Variants in ERC2 observed in about 807,000 individuals in gnomAD.
ERC2 encodes the protein ELKS/RAB6-interacting/CAST family member 2.
In ERC2, 42 loss-of-function variants were observed where a neutral mutation model predicts 114.8. That is an observed-to-expected ratio of 0.37 (90% CI 0.29 to 0.47). ERC2 has a LOEUF of 0.47. Ranked by LOEUF, ERC2 falls within the 20% of genes least tolerant of loss-of-function variation. The pLI, the probability that ERC2 is intolerant of heterozygous loss-of-function variation, is 0.99. For missense variants in ERC2, 939 were observed against 1,150.7 expected, an observed-to-expected ratio of 0.82 and a Z score of 2.66; for synonymous variants, 454 against 425.5, an observed-to-expected ratio of 1.07 and a Z score of -0.82.
chr3:55,810,942 C>T (rs2059698563), intron 14 of ERC2, among the ~76,000 whole-genome samples: 1 of 152,078 alleles, frequency 6.6e-6, no homozygotes, highest in African/African-American at 2.4e-5. Context: ...AGGCTAAATT[C>T]ATAAAAGAAT....
chr3:55,919,266 C>T (rs1037255908), intron 13 of ERC2, among the ~76,000 whole-genome samples: 5 of 152,106 alleles, frequency 3.3e-5, no homozygotes, highest in African/African-American at 9.7e-5. Flanking sequence ...GCAGTCCTAG[C>T]TACTTGGAAG....
intron 13 of ERC2, among the ~76,000 whole-genome samples, chr3:55,908,343 G>A (rs1209515382): frequency 6.6e-6 from 1 of 152,134 alleles, no homozygotes; most frequent in Non-Finnish European, 1.5e-5. Flanking sequence ...TTATTTTAAA[G>A]GATGACTAGA....
intron 12 of ERC2, among the ~76,000 whole-genome samples, chr3:55,966,028 C>T (rs1161094846): frequency 6.6e-6 from 1 of 152,194 alleles, no homozygotes; most frequent in East Asian, 1.9e-4. Flanking sequence ...GTTTCAGTTT[C>T]ACTTGATGAC....
intron 17 of ERC2, among the ~76,000 whole-genome samples, chr3:55,626,088 A>G (rs576928798): frequency 1.4e-4 from 22 of 152,328 alleles, no homozygotes; most frequent in African/African-American, 5.1e-4. Context: ...CACAATACAA[A>G]TTACAGAAGT....
At position 55,731,009 on chromosome 3, in the gene ERC2, C is replaced by T. The variant is rs568673572; in HGVS notation, c.2712+3762G>A. 6.6e-5 allele frequency among the ~76,000 whole-genome samples: 10 copies of T among 152,350 alleles called. No individual in the cohort carries two copies. In the South Asian group the frequency reaches 1.5e-3, roughly 22 times the overall value. On this transcript the variant is annotated intron_variant, in intron 15 of 17. Transcript: ENST00000288221. The stretch of plus-strand genomic sequence containing the variant: ...TCCAAGTCAGCCATGCAGGTCAAGA[C>T]AATTGAGATCTGGGACTCACCCTTC...
chr3:55,591,708 C>A (rs2057899865), intron 17 of ERC2, among the ~76,000 whole-genome samples: 1 of 152,044 alleles, frequency 6.6e-6, no homozygotes, highest in Admixed American at 6.6e-5. Flanking sequence ...GGGGGTCTCC[C>A]CAGCCAGGTT....
intron 1 of ERC2, among the ~76,000 whole-genome samples, chr3:56,465,739 TTTA>T (rs988967144): frequency 1.3e-5 from 2 of 152,282 alleles, no homozygotes; most frequent in African/African-American, 4.8e-5. Flanking sequence ...TTTTTTATAT[TTTA>T]TTATGTTTCT....
intron 2 of ERC2, among the ~76,000 whole-genome samples, chr3:56,432,762 C>T (rs999943020): frequency 6.6e-6 from 1 of 152,172 alleles, no homozygotes; most frequent in African/African-American, 2.4e-5. Flanking sequence ...ACATCAAAGC[C>T]AGTTATTGGA....
chr3:56,435,746 C>T (rs1559500337), intron 1 of ERC2, among the ~76,000 whole-genome samples: 2 of 152,212 alleles, frequency 1.3e-5, no homozygotes, highest in Non-Finnish European at 2.9e-5. Context: ...CTGGTATTAA[C>T]ACATGAATTC....
At chr3:56,328,046 T>C (rs1337166419) in intron 2 of ERC2, among the ~76,000 whole-genome samples, 7 of 152,156 alleles carry the variant, frequency 4.6e-5, no homozygotes, top group Admixed American at 4.6e-4. Context: ...GGAGGAGAGT[T>C]AGACCCACCT....
intron 14 of ERC2, among the ~76,000 whole-genome samples, chr3:55,824,651 C>T (rs1222102084): frequency 6.6e-6 from 1 of 152,170 alleles, no homozygotes; most frequent in Admixed American, 6.5e-5. Context: ...TGGTTTACAT[C>T]AGTGTTTCTC....
At chr3:56,365,523 G>T (rs2059117204) in intron 2 of ERC2, among the ~76,000 whole-genome samples, 1 of 152,244 alleles carries the variant, frequency 6.6e-6, no homozygotes, top group Non-Finnish European at 1.5e-5. Flanking sequence ...GGCTGCATTT[G>T]TTATCTATCC....
chr3:56,210,664 T>A (rs552537130), intron 3 of ERC2, among the ~76,000 whole-genome samples: 19 of 152,334 alleles, frequency 1.2e-4, no homozygotes, highest in African/African-American at 4.3e-4. Context: ...GCCTTTTCAG[T>A]AAGTGTTATT....
At chr3:56,257,717 T>C (rs1252797659) in intron 3 of ERC2, among the ~76,000 whole-genome samples, 1 of 152,266 alleles carries the variant, frequency 6.6e-6, no homozygotes, top group Non-Finnish European at 1.5e-5. Flanking sequence ...ATATTTTCTT[T>C]TTTTAAATCT....
At chr3:56,332,138 ACACACACACATGTG>A (rs1334930994) in intron 2 of ERC2, among the ~76,000 whole-genome samples, 1 of 62,294 alleles carries the variant, frequency 1.6e-5, no homozygotes, top group Non-Finnish European at 3.8e-5. Context: ...TTTTTCACAC[ACACACACACATGTG>A]CACACACACA....
chr3:56,150,982 A>T (rs1015657144), intron 4 of ERC2, among the ~76,000 whole-genome samples: 1 of 152,144 alleles, frequency 6.6e-6, no homozygotes, highest in Non-Finnish European at 1.5e-5. Context: ...CTACCAAGAA[A>T]GGACATGGGG....
At chr3:56,098,354 C>G (rs2078173745) in intron 6 of ERC2, among the ~76,000 whole-genome samples, 2 of 152,142 alleles carry the variant, frequency 1.3e-5, no homozygotes, top group South Asian at 4.1e-4. Context: ...AGAAGTGGAG[C>G]GTGAGGAAAG....
At chr3:55,760,372 A>G (rs1419672328) in intron 14 of ERC2, among the ~76,000 whole-genome samples, 3 of 151,642 alleles carry the variant, frequency 2.0e-5, no homozygotes, top group Non-Finnish European at 4.4e-5. Context: ...CCTCCGTGAT[A>G]TTTTTTTTTG....
At chr3:56,402,395 T>A (rs1367628656) in intron 2 of ERC2, among the ~76,000 whole-genome samples, 2 of 152,234 alleles carry the variant, frequency 1.3e-5, no homozygotes, top group Non-Finnish European at 2.9e-5. Flanking sequence ...ATGGCACAGA[T>A]GGGCATGTCT....
Sources: gnomAD v4.1 joint callset for allele counts (sites outside exome capture counted in the v4.1 genomes callset) on GRCh38, gnomAD v4.1.1 for gene constraint, MANE v1.5 for transcripts, NCBI Gene and HGNC (gene_info 2026-07-23, HGNC 2026-07-21) for gene names.